CACNG3: variants seen among roughly 807,000 people sequenced by gnomAD.
CACNG3 encodes voltage-dependent calcium channel gamma-3 subunit.
In CACNG3, 3 loss-of-function variants were observed where a neutral mutation model predicts 28.5. The observed-to-expected ratio is 0.11, with a 90% CI of 0.05 to 0.27. The LOEUF (loss-of-function observed/expected upper bound fraction) is 0.27, where lower values mean the gene tolerates loss of function less well. Ranked by LOEUF, CACNG3 falls within the 10% of genes least tolerant of loss-of-function variation. The pLI, the probability that CACNG3 is intolerant of heterozygous loss-of-function variation, is 1.00. For missense variants in CACNG3, 236 were observed against 414.4 expected, an observed-to-expected ratio of 0.57 and a Z score of 3.74; for synonymous variants, 174 against 162.2, an observed-to-expected ratio of 1.07 and a Z score of -0.55.
chr16:24,310,666 G>C (rs1442582501), intron 1 of CACNG3, among the ~76,000 whole-genome samples: 1 of 152,170 alleles, frequency 6.6e-6, no homozygotes, highest in Admixed American at 6.5e-5. Flanking sequence ...CAAAGCCCCT[G>C]TGAGATAGGT....
intron 1 of CACNG3, among the ~76,000 whole-genome samples, chr16:24,286,186 G>A (rs1898891307): frequency 6.6e-6 from 1 of 151,922 alleles, no homozygotes; most frequent in Non-Finnish European, 1.5e-5. Flanking sequence ...CTTGTTTCCA[G>A]TTTTTATTGC....
intron 1 of CACNG3, among the ~76,000 whole-genome samples, chr16:24,314,241 C>T (rs919828626): frequency 1.3e-5 from 2 of 152,092 alleles, no homozygotes; most frequent in Non-Finnish European, 2.9e-5. Flanking sequence ...AATGGGGAGC[C>T]TTTGGTTCAA....
At position 24,350,046 on chromosome 16, in the gene CACNG3, A is replaced by C. The variant is rs1003163289; in HGVS notation, c.295+3229A>C. On this transcript the variant is annotated intron_variant, in intron 2 of 3. Transcript: ENST00000005284. ...TAGCTCCATATAGTTTGGGGGGAGA[A>C]ACAGGGAAGGAAGACAGTAAAAACC... 3.3e-5 allele frequency among the ~76,000 whole-genome samples: 5 copies of C among 152,344 alleles called. No individual in the cohort carries two copies. The South Asian group carries it at 1.0e-3, about 32-fold the overall frequency.
At chr16:24,342,384 G>T (rs1041700032) in intron 1 of CACNG3, among the ~76,000 whole-genome samples, 7 of 152,174 alleles carry the variant, frequency 4.6e-5, no homozygotes, top group African/African-American at 1.7e-4. Context: ...ACCACAAAAT[G>T]AAACAGTCTG....
At chr16:24,265,370 AAAAG>A (rs1555458125) in intron 1 of CACNG3, among the ~76,000 whole-genome samples, 10 of 147,934 alleles carry the variant, frequency 6.8e-5, no homozygotes, top group Middle Eastern at 3.4e-3. Flanking sequence ...AAAGAAAGAA[AAAAG>A]AAAGAAAGAA....
At chr16:24,299,374 A>G (rs1260753887) in intron 1 of CACNG3, among the ~76,000 whole-genome samples, 1 of 152,158 alleles carries the variant, frequency 6.6e-6, no homozygotes, top group Non-Finnish European at 1.5e-5. Context: ...AGCAGCCCCC[A>G]TCAATGAGTA....
intron 1 of CACNG3, among the ~76,000 whole-genome samples, chr16:24,286,433 C>CATAT (rs869264438): frequency 1.1e-4 from 7 of 61,196 alleles, no homozygotes; most frequent in African/African-American, 3.0e-4. Flanking sequence ...CACACACACA[C>CATAT]ATATATATAT....
chr16:24,336,002 G>A (rs548217002), intron 1 of CACNG3, among the ~76,000 whole-genome samples: 35 of 151,918 alleles, frequency 2.3e-4, no homozygotes, highest in South Asian at 6.3e-4. Context: ...CACTGTGCCC[G>A]GCCCAATAAA....
At chr16:24,309,783 G>A (rs1899235881) in intron 1 of CACNG3, among the ~76,000 whole-genome samples, 1 of 152,204 alleles carries the variant, frequency 6.6e-6, no homozygotes, top group Admixed American at 6.5e-5. Context: ...GAATACAGAG[G>A]AGGAGATGTA....
At chr16:24,342,703 A>T (rs917625332) in intron 1 of CACNG3, among the ~76,000 whole-genome samples, 8 of 152,246 alleles carry the variant, frequency 5.3e-5, no homozygotes, top group African/African-American at 1.9e-4. Context: ...GAAGCAATAT[A>T]AACAAATGGG....
intron 1 of CACNG3, among the ~76,000 whole-genome samples, chr16:24,304,688 G>A (rs1359491885): frequency 1.3e-5 from 2 of 152,034 alleles, no homozygotes; most frequent in Non-Finnish European, 2.9e-5. Context: ...AGCCTCTCGA[G>A]GACCTGGGCC....
At chr16:24,257,786 T>C (rs1267882584) in intron 1 of CACNG3, among the ~76,000 whole-genome samples, 1 of 152,146 alleles carries the variant, frequency 6.6e-6, no homozygotes, top group Non-Finnish European at 1.5e-5. Flanking sequence ...TTCTAAAAAT[T>C]AGGGAGTAGT....
chr16:24,278,129 C>T (rs1898776615), intron 1 of CACNG3, among the ~76,000 whole-genome samples: 1 of 151,990 alleles, frequency 6.6e-6, no homozygotes, highest in Non-Finnish European at 1.5e-5. Context: ...GAGAGAAGAC[C>T]CTTGGAGTAT....
chr16:24,335,608 G>A (rs1785063859), intron 1 of CACNG3, among the ~76,000 whole-genome samples: 1 of 152,130 alleles, frequency 6.6e-6, no homozygotes, highest in South Asian at 2.1e-4. Context: ...TAAGCAACTT[G>A]CAGAGCTGGG....
chr16:24,262,948 C>A (rs142319963), intron 1 of CACNG3, among the ~76,000 whole-genome samples: 4 of 152,256 alleles, frequency 2.6e-5, no homozygotes, highest in Admixed American at 1.3e-4. Context: ...AAAACAAGAA[C>A]TTAGGCAAAA....
At chr16:24,355,411 A>G (rs1167099840) in intron 3 of CACNG3, among the ~76,000 whole-genome samples, 1 of 152,064 alleles carries the variant, frequency 6.6e-6, no homozygotes. Flanking sequence ...TCATCTCTAC[A>G]AAAAACAATG....
At chr16:24,328,111 G>A (rs1899582454) in intron 1 of CACNG3, among the ~76,000 whole-genome samples, 1 of 152,124 alleles carries the variant, frequency 6.6e-6, no homozygotes. Flanking sequence ...GGAATAAACA[G>A]ACACATCATT....
intron 1 of CACNG3, among the ~76,000 whole-genome samples, chr16:24,313,552 A>G (rs1325432195): frequency 6.6e-6 from 1 of 152,140 alleles, no homozygotes; most frequent in Non-Finnish European, 1.5e-5. Flanking sequence ...TGGCACGATC[A>G]TAGCTCACTA....
chr16:24,266,938 A>G (rs528334700), intron 1 of CACNG3, among the ~76,000 whole-genome samples: 1 of 152,048 alleles, frequency 6.6e-6, no homozygotes, highest in Non-Finnish European at 1.5e-5. Context: ...ACAGGTGCCA[A>G]GGAACTAGGG....
Sources: gnomAD v4.1 joint callset for allele counts (sites outside exome capture counted in the v4.1 genomes callset) on GRCh38, gnomAD v4.1.1 for gene constraint, MANE v1.5 for transcripts, NCBI Gene and HGNC (gene_info 2026-07-23, HGNC 2026-07-21) for gene names.